Variants in IL1RAPL2 observed in about 807,000 individuals in gnomAD.
IL1RAPL2 encodes the protein interleukin 1 receptor accessory protein like 2.
A neutral mutation model predicts 44.1 loss-of-function variants in IL1RAPL2; 3 were observed. The observed-to-expected ratio is 0.07, with a 90% confidence interval of 0.03 to 0.18. The LOEUF is 0.18. IL1RAPL2 is among the 10% of genes least tolerant of loss of function. The pLI is 1.00. For synonymous variants in IL1RAPL2, 181 were observed against 178.8 expected (o/e 1.01, Z -0.10); for missense variants, 391 against 496.4 (o/e 0.79, Z 2.02).
At chrX:105,252,813 T>C (rs1009229784) in intron 4 of IL1RAPL2, among the ~76,000 whole-genome samples, 1 of 111,811 alleles carries the variant, frequency 8.9e-6, no homozygotes, top group African/African-American at 3.2e-5. Flanking sequence ...AGTGAAGCCT[T>C]ATGAGATAGG....
At chrX:104,824,737 C>A (rs765926229) in intron 2 of IL1RAPL2, among the ~76,000 whole-genome samples, 19 of 111,459 alleles carry the variant, frequency 1.7e-4, no homozygotes, top group Non-Finnish European at 3.6e-4. Flanking sequence ...GTGATCTCCC[C>A]TTTATACTTT....
At chrX:105,641,493 G>A (rs753686995) in intron 6 of IL1RAPL2, among the ~76,000 whole-genome samples, 22 of 111,868 alleles carry the variant, frequency 2.0e-4, no homozygotes, top group Non-Finnish European at 3.8e-4. Context: ...GCTGGATACA[G>A]GCAGATTTGT....
At chrX:105,074,294 A>G (rs1479810151) in intron 2 of IL1RAPL2, among the ~76,000 whole-genome samples, 1 of 111,942 alleles carries the variant, frequency 8.9e-6, no homozygotes, top group African/African-American at 3.2e-5. Context: ...TTTATTAAAT[A>G]GGGGATCCTT....
intron 5 of IL1RAPL2, among the ~76,000 whole-genome samples, chrX:105,474,868 CAAAA>C (rs1007878507): frequency 4.0e-4 from 44 of 108,971 alleles, no homozygotes; most frequent in Admixed American, 6.9e-4. Flanking sequence ...AACACACACA[CAAAA>C]AAACAGTCTT....
chrX:104,776,346 T>C (rs1047355597), intron 2 of IL1RAPL2, among the ~76,000 whole-genome samples: 2 of 111,707 alleles, frequency 1.8e-5, no homozygotes, highest in African/African-American at 6.5e-5. Context: ...ATCATGAAAG[T>C]CTCATTAGGG....
chrX:104,767,302 G>T (rs1010779027), intron 2 of IL1RAPL2, among the ~76,000 whole-genome samples: 2 of 111,665 alleles, frequency 1.8e-5, no homozygotes, highest in African/African-American at 6.5e-5. Flanking sequence ...ATTTTACATT[G>T]CATCTTGGCA....
intron 2 of IL1RAPL2, among the ~76,000 whole-genome samples, chrX:104,707,626 T>C (rs1931384197): frequency 8.9e-6 from 1 of 111,743 alleles, no homozygotes; most frequent in Non-Finnish European, 1.9e-5. Flanking sequence ...TGAAGGTGTT[T>C]ATAGCTATTA....
At chrX:105,325,541 TTATATATATATATATATA>T (rs3035842) in intron 5 of IL1RAPL2, among the ~76,000 whole-genome samples, 10 of 76,071 alleles carry the variant, frequency 1.3e-4, no homozygotes, top group Middle Eastern at 6.5e-3. Context: ...TCTCTTGGTT[TTATATATATATATATATA>T]TATATATATA....
At chrX:105,359,607 A>G (rs967661213) in intron 5 of IL1RAPL2, among the ~76,000 whole-genome samples, 1 of 111,011 alleles carries the variant, frequency 9.0e-6, no homozygotes, top group African/African-American at 3.3e-5. Context: ...TTTTTCTGCT[A>G]CACCATGTTC....
intron 1 of IL1RAPL2, among the ~76,000 whole-genome samples, chrX:104,569,973 T>C (rs1343254354): frequency 2.7e-5 from 3 of 112,399 alleles, no homozygotes; most frequent in African/African-American, 6.5e-5. Context: ...GCAGCAGTAA[T>C]GATTACAGCT....
intron 1 of IL1RAPL2, among the ~76,000 whole-genome samples, chrX:104,614,022 T>C (rs1219938910): frequency 9.0e-6 from 1 of 110,696 alleles, no homozygotes; most frequent in Non-Finnish European, 1.9e-5. Context: ...TATATTTTTA[T>C]GGGTTGGTTG....
At chrX:105,703,631 A>C (rs1328634031) in intron 6 of IL1RAPL2, among the ~76,000 whole-genome samples, 2 of 111,799 alleles carry the variant, frequency 1.8e-5, no homozygotes, top group African/African-American at 6.5e-5. Flanking sequence ...TCTATTTCTC[A>C]TCTAGAGTGA....
chrX:105,473,463 A>C (rs1473499217), intron 5 of IL1RAPL2, among the ~76,000 whole-genome samples: 1 of 112,015 alleles, frequency 8.9e-6, no homozygotes, highest in Non-Finnish European at 1.9e-5. Context: ...TAAATATCAC[A>C]TCACAAATAA....
At chrX:105,324,197 C>T (rs1265915752) in intron 5 of IL1RAPL2, among the ~76,000 whole-genome samples, 2 of 110,406 alleles carry the variant, frequency 1.8e-5, no homozygotes, top group Non-Finnish European at 3.8e-5. Context: ...AAGAGCACAG[C>T]AGAGGAGTTG....
intron 1 of IL1RAPL2, among the ~76,000 whole-genome samples, chrX:104,656,235 C>T (rs1208754131): frequency 9.1e-6 from 1 of 110,489 alleles, no homozygotes; most frequent in Non-Finnish European, 1.9e-5. Context: ...TTTGTTTGTT[C>T]TTGCTTCTCC....
intron 6 of IL1RAPL2, among the ~76,000 whole-genome samples, chrX:105,598,256 A>AC (rs1435570578): frequency 9.0e-6 from 1 of 110,744 alleles, no homozygotes; most frequent in East Asian, 2.8e-4. Context: ...ACACACACAC[A>AC]AAAAAAGTCA....
chrX:105,490,485 A>C (rs181017132), intron 6 of IL1RAPL2, among the ~76,000 whole-genome samples: 9 of 112,030 alleles, frequency 8.0e-5, no homozygotes, highest in African/African-American at 1.6e-4. Context: ...AAGAAGTGTT[A>C]ATCTTCATCA....
rs748514062 is a variant in IL1RAPL2 at position 105,632,870 on chromosome X, C to T, written c.773-84497C>T. On this transcript the variant is annotated intron_variant, in intron 6 of 10. Coordinates refer to ENST00000372582, the MANE Select transcript of IL1RAPL2 (RefSeq NM_017416.2). ...TCTAATCATGCATGCCAGTTCTCAA[C>T]GAGGTGAGTTTCAGCCATACCCAGT... Among the ~76,000 whole-genome samples the T allele has an allele frequency of 2.7e-5, 3 of 111,825 alleles. No individual in the cohort carries two copies. The South Asian group carries it at 1.1e-3, about 42-fold the overall frequency.
chrX:105,048,005 A>G (rs1341006423), intron 2 of IL1RAPL2, among the ~76,000 whole-genome samples: 1 of 111,747 alleles, frequency 8.9e-6, no homozygotes, highest in Non-Finnish European at 1.9e-5. Flanking sequence ...TATCTGTTTT[A>G]GAAACGACTT....
Sources: allele counts gnomAD v4.1 joint callset (sites outside exome capture counted in the v4.1 genomes callset), GRCh38; gene constraint gnomAD v4.1.1; transcripts MANE v1.5; gene names NCBI Gene and HGNC (gene_info 2026-07-23, HGNC 2026-07-21).